LYN: variants seen among roughly 807,000 people sequenced by gnomAD.
LYN encodes LYN proto-oncogene, Src family tyrosine kinase.
In LYN, 12 loss-of-function variants were observed where a neutral mutation model predicts 65.0. That is an observed-to-expected ratio of 0.18 (90% CI 0.12 to 0.30). LYN has a LOEUF of 0.30. Ranked by LOEUF, LYN falls within the 10% of genes least tolerant of loss-of-function variation. LYN has a pLI of 1.00. For synonymous variants in LYN, 222 were observed against 221.2 expected, an observed-to-expected ratio of 1.00 and a Z score of -0.03; for missense variants, 380 against 623.2, an observed-to-expected ratio of 0.61 and a Z score of 4.16.
intron 1 of LYN, among the ~76,000 whole-genome samples, chr8:55,914,942 G>A (rs1805743466): frequency 6.6e-6 from 1 of 152,174 alleles, no homozygotes; most frequent in South Asian, 2.1e-4. Context: ...CCATCTGTTT[G>A]TGTGCCTGGG....
intron 12 of LYN, among the ~76,000 whole-genome samples, chr8:56,002,785 G>A (rs1025312897): frequency 2.6e-5 from 4 of 152,118 alleles, no homozygotes; most frequent in African/African-American, 9.7e-5. Flanking sequence ...CTGGGGATGT[G>A]AGATATCTTC....
intron 2 of LYN, among the ~76,000 whole-genome samples, chr8:55,943,941 G>A (rs1806699569): frequency 6.6e-6 from 1 of 152,016 alleles, no homozygotes; most frequent in Non-Finnish European, 1.5e-5. Flanking sequence ...AAATTAGCTG[G>A]GCATGGTGGC....
rs780006870 is a variant in LYN, at chr8:55,935,671, C to T, written c.-5-6184C>T. 2.0e-5 allele frequency among the ~76,000 whole-genome samples: 3 copies of T among 151,616 alleles called. No individual in the cohort carries two copies. The East Asian group carries it at 5.8e-4, about 29-fold the overall frequency. ...CGCCTGTAGTCCCCACTACTTGCTACTCAGGAGGCTGAGGCAGGAGAATCG... is the reference window on the plus strand; with the variant it reads ...CGCCTGTAGTCCCCACTACTTGCTATTCAGGAGGCTGAGGCAGGAGAATCG... On this transcript the variant is annotated intron_variant, in intron 1 of 12. Transcript: ENST00000519728.
intron 12 of LYN, among the ~76,000 whole-genome samples, chr8:56,004,943 C>T (rs925720548): frequency 1.3e-5 from 2 of 152,130 alleles, no homozygotes; most frequent in Non-Finnish European, 2.9e-5. Flanking sequence ...TGCCACCACA[C>T]CCAGCTAATT....
At chr8:55,995,548 A>G (rs916409254) in intron 10 of LYN, among the ~76,000 whole-genome samples, 1 of 152,118 alleles carries the variant, frequency 6.6e-6, no homozygotes, top group African/African-American at 2.4e-5. Flanking sequence ...TCCTGCAGAA[A>G]TTGTGGACAG....
At chr8:55,950,888 TGGTAGTAAAAG>T in intron 6 of LYN, 104 bp downstream of exon 6, 1 of 759,954 alleles carries the variant, frequency 1.3e-6, no homozygotes, top group Non-Finnish European at 2.2e-6. Context: ...TAGTATGCTC[TGGTAGTAAAAG>T]TTTTATGGTT....
rs376472460 is a variant in LYN, at chr8:55,954,017, T to C, written c.790+33T>C. The C allele has an allele frequency of 6.4e-5, 103 of 1,607,832 alleles. 1 individual carries two copies. The African/African-American group carries it at 1.2e-3, about 19-fold the overall frequency. On this transcript the variant is annotated intron_variant, in intron 8 of 12. Coordinates refer to ENST00000519728, the MANE Select transcript of LYN (RefSeq NM_002350.4). ...TGCGGCTCGGGGATCTATGTCCTTC[T>C]AGAGATGGTGACAGGAGAAGTAAAG...
chr8:55,886,112 G>A (rs1804785271), intron 1 of LYN, among the ~76,000 whole-genome samples: 4 of 152,102 alleles, frequency 2.6e-5, no homozygotes, highest in Admixed American at 2.0e-4. Context: ...TTGGGTAGAC[G>A]TTTCGAAATC....
chr8:55,966,169 A>C (rs866636321), intron 8 of LYN, among the ~76,000 whole-genome samples: 1 of 152,174 alleles, frequency 6.6e-6, no homozygotes, highest in South Asian at 2.1e-4. Flanking sequence ...AGTGCCAATA[A>C]AAACGTTTTT....
At chr8:55,953,706 T>C in intron 7 of LYN, 126 bp from the exon 8 acceptor site, 4 of 680,380 alleles carry the variant, frequency 5.9e-6, no homozygotes, top group Non-Finnish European at 9.4e-6. Flanking sequence ...ATGTCAAGGA[T>C]GCATTTTAGT....
chr8:55,942,015 A>G (rs1170456037), intron 2 of LYN, 24 bp downstream of exon 2: 1 of 1,611,498 alleles, frequency 6.2e-7, no homozygotes, highest in Admixed American at 1.7e-5. Flanking sequence ...CTCAGGGGAG[A>G]ATTCCCACAG....
intron 12 of LYN, among the ~76,000 whole-genome samples, chr8:56,000,174 T>G (rs1455397193): frequency 1.3e-5 from 2 of 151,988 alleles, no homozygotes; most frequent in Non-Finnish European, 2.9e-5. Flanking sequence ...TCCAAGGCAG[T>G]CCCCCTGACT....
intron 12 of LYN, among the ~76,000 whole-genome samples, chr8:56,006,904 G>C (rs75868327): frequency 6.6e-6 from 1 of 152,072 alleles, no homozygotes; most frequent in African/African-American, 2.4e-5. Context: ...ATTTAATAGC[G>C]GATTTTATTT....
intron 2 of LYN, 74 bp downstream of exon 2, chr8:55,942,065 G>A (rs944274856): frequency 2.0e-6 from 3 of 1,490,264 alleles, no homozygotes; most frequent in Admixed American, 4.2e-5. Flanking sequence ...ACACCAGTCT[G>A]TAATATGTGC....
intron 1 of LYN, among the ~76,000 whole-genome samples, chr8:55,921,312 A>G (rs1248557461): frequency 6.6e-6 from 1 of 152,216 alleles, no homozygotes; most frequent in Non-Finnish European, 1.5e-5. Flanking sequence ...TGTATGTTTT[A>G]TTGAAGCAAG....
chr8:55,952,331 G>C (rs1446568133), intron 7 of LYN, among the ~76,000 whole-genome samples: 1 of 152,166 alleles, frequency 6.6e-6, no homozygotes, highest in African/African-American at 2.4e-5. Flanking sequence ...GGCCAAGGCA[G>C]GTGGATCACT....
At position 55,880,077 on chromosome 8, in the gene LYN, C is replaced by A; in HGVS notation, c.-32C>A. 1 of 314,016 alleles carries A rather than the reference C, an allele frequency of 3.2e-6. No homozygotes were observed. Among genetic ancestry groups the A allele is most frequent in the Admixed American group, 4.1e-5 (1 of 24,236 alleles). 19.5% of individuals were successfully genotyped at this position (314,016 alleles called of 1,614,324 possible). ...GAACTCAAGTCACCGTGGAGCTCCGCCGCCCCGAAACTTTCACCGCGAGCG... is the reference window on the plus strand; with the variant it reads ...GAACTCAAGTCACCGTGGAGCTCCGACGCCCCGAAACTTTCACCGCGAGCG... On this transcript the variant is annotated 5_prime_UTR_variant, in exon 1 of 13. Coordinates refer to ENST00000519728, the MANE Select transcript of LYN (RefSeq NM_002350.4).
chr8:55,891,903 A>G (rs755388433), intron 1 of LYN, among the ~76,000 whole-genome samples: 4 of 152,186 alleles, frequency 2.6e-5, no homozygotes, highest in Non-Finnish European at 5.9e-5. Flanking sequence ...TCGTCATTTA[A>G]TACATGGCCA....
At chr8:55,984,652 C>T (rs1399338118) in intron 10 of LYN, among the ~76,000 whole-genome samples, 2 of 152,230 alleles carry the variant, frequency 1.3e-5, no homozygotes, top group East Asian at 1.9e-4. Flanking sequence ...GGAGCTGGCT[C>T]TCTACTCCTG....
Sources: gnomAD v4.1 joint callset for allele counts (sites outside exome capture counted in the v4.1 genomes callset) on GRCh38, gnomAD v4.1.1 for gene constraint, MANE v1.5 for transcripts, NCBI Gene and HGNC (gene_info 2026-07-23, HGNC 2026-07-21) for gene names.